Variants in MCC observed in about 807,000 individuals in gnomAD.
MCC encodes the protein MCC regulator of Wnt signaling pathway.
Under a neutral mutation model 116.2 loss-of-function variants are expected in MCC, and 90 were observed. That is an observed-to-expected ratio of 0.77 (90% CI 0.65 to 0.92). The LOEUF is 0.92. Ranked by LOEUF, MCC falls within the 40% of genes least tolerant of loss-of-function variation. MCC has a pLI of 0.00. For missense variants in MCC, 1,516 were observed against 1,312.2 expected, an observed-to-expected ratio of 1.16 and a Z score of -2.40; for synonymous variants, 578 against 510.5, an observed-to-expected ratio of 1.13 and a Z score of -1.78.
chr5:113,433,235 C>T (rs56875463), intron 1 of MCC: 10,724 of 184,042 alleles, frequency 0.058, 772 homozygotes, highest in African/African-American at 0.18. Context: ...AGCTCTTTCC[C>T]GCCGCCTCTC....
chr5:113,096,124 C>A (rs559568081), intron 8 of MCC, among the ~76,000 whole-genome samples: 1 of 152,292 alleles, frequency 6.6e-6, no homozygotes, highest in Non-Finnish European at 1.5e-5. Flanking sequence ...TAGCAGATGC[C>A]GGGCTTATCA....
intron 5 of MCC, among the ~76,000 whole-genome samples, chr5:113,123,416 A>C (rs1757849969): frequency 6.6e-6 from 1 of 151,758 alleles, no homozygotes; most frequent in African/African-American, 2.4e-5. Context: ...GGGGGTAGGA[A>C]GAGAGGATGC....
intron 15 of MCC, among the ~76,000 whole-genome samples, chr5:113,050,052 G>A (rs891953530): frequency 1.3e-5 from 2 of 152,212 alleles, no homozygotes; most frequent in Non-Finnish European, 2.9e-5. Flanking sequence ...TACTGAGCAC[G>A]TGGCACTGTG....
chr5:113,053,277 T>C (rs6886491), intron 15 of MCC, among the ~76,000 whole-genome samples: 8,783 of 152,180 alleles, frequency 0.058, 705 homozygotes, highest in African/African-American at 0.18. Context: ...AGGCTCGACA[T>C]TGCACCAAAG....
chr5:113,178,282 T>C (rs948134375), intron 3 of MCC, among the ~76,000 whole-genome samples: 2 of 152,166 alleles, frequency 1.3e-5, no homozygotes, highest in African/African-American at 4.8e-5. Context: ...GAGTGGACCA[T>C]CTCAGTAGCT....
chr5:113,036,524 G>A (rs151302737), intron 17 of MCC, among the ~76,000 whole-genome samples: 55 of 152,332 alleles, frequency 3.6e-4, no homozygotes, highest in Admixed American at 9.1e-4. Context: ...TAAGGCTCAA[G>A]TGTCCCCAGA....
At chr5:113,085,046 G>A in intron 9 of MCC, 118 bp downstream of exon 9, 2 of 1,403,314 alleles carry the variant, frequency 1.4e-6, no homozygotes, top group African/African-American at 1.4e-5. Flanking sequence ...AAGGTCCCAG[G>A]GGAAGCCCCT....
intron 1 of MCC, among the ~76,000 whole-genome samples, chr5:113,445,946 C>T (rs1207369349): frequency 6.6e-6 from 1 of 152,086 alleles, no homozygotes; most frequent in African/African-American, 2.4e-5. Flanking sequence ...AATAAAGCTG[C>T]ACATCAACAG....
chr5:113,123,044 T>C lies in MCC; in HGVS notation c.885-218A>G, dbSNP rs562349679. ...CCTCTGTGTCCACAAAACATACCCATGTACCAAACGAGATTCATCTATCAG... is the reference window on the plus strand; with the variant it reads ...CCTCTGTGTCCACAAAACATACCCACGTACCAAACGAGATTCATCTATCAG... On this transcript the variant is annotated intron_variant, in intron 5 of 18. Coordinates refer to ENST00000408903, the MANE Select transcript of MCC (RefSeq NM_001085377.2). 2.6e-5 allele frequency among the ~76,000 whole-genome samples: 4 copies of C among 152,274 alleles called. No individual in the cohort carries two copies. In the East Asian group the frequency reaches 5.8e-4, roughly 22 times the overall value.
At chr5:113,172,263 C>T (rs1365008071) in intron 3 of MCC, among the ~76,000 whole-genome samples, 2 of 152,052 alleles carry the variant, frequency 1.3e-5, no homozygotes, top group Non-Finnish European at 2.9e-5. Flanking sequence ...GAACACAAAA[C>T]AACTCAAAAA....
At chr5:113,211,440 A>G (rs1462385651) in intron 3 of MCC, among the ~76,000 whole-genome samples, 2 of 152,230 alleles carry the variant, frequency 1.3e-5, no homozygotes, top group South Asian at 2.1e-4. Flanking sequence ...TGACAGAGAT[A>G]TGAAAGAACC....
intron 3 of MCC, among the ~76,000 whole-genome samples, chr5:113,329,555 A>G (rs1027521647): frequency 1.3e-5 from 2 of 152,180 alleles, no homozygotes; most frequent in African/African-American, 4.8e-5. Context: ...CATTCTATAC[A>G]TAACTTTTAT....
intron 3 of MCC, among the ~76,000 whole-genome samples, chr5:113,246,024 A>G (rs1367727215): frequency 6.6e-6 from 1 of 152,236 alleles, no homozygotes. Flanking sequence ...CCTGCCAAAA[A>G]TATTTCCCGA....
chr5:113,451,831 A>G (rs1378850672), intron 1 of MCC, among the ~76,000 whole-genome samples: 1 of 152,196 alleles, frequency 6.6e-6, no homozygotes, highest in African/African-American at 2.4e-5. Context: ...TGTGTAACAA[A>G]CCAATCTAAA....
chr5:113,477,514 T>C (rs1020619791), intron 1 of MCC, among the ~76,000 whole-genome samples: 1 of 152,134 alleles, frequency 6.6e-6, no homozygotes, highest in Non-Finnish European at 1.5e-5. Context: ...ACAAGCAAGG[T>C]GAGCCTACAT....
At chr5:113,059,768 T>C (rs1227229342) in intron 14 of MCC, among the ~76,000 whole-genome samples, 1 of 152,204 alleles carries the variant, frequency 6.6e-6, no homozygotes, top group African/African-American at 2.4e-5. Context: ...CAGCAGCTCT[T>C]CCAGCACAAA....
At chr5:113,241,193 G>A (rs1012942033) in intron 3 of MCC, among the ~76,000 whole-genome samples, 10 of 152,170 alleles carry the variant, frequency 6.6e-5, no homozygotes, top group Admixed American at 5.2e-4. Context: ...GTATAACGTA[G>A]GCTTCTGGTT....
chr5:113,399,206 C>A (rs1221896737), intron 1 of MCC, among the ~76,000 whole-genome samples: 2 of 152,198 alleles, frequency 1.3e-5, no homozygotes, highest in Non-Finnish European at 2.9e-5. Flanking sequence ...CAGTTATTGG[C>A]CAGGTGCGGT....
chr5:113,037,838 G>A (rs779957212), intron 17 of MCC, among the ~76,000 whole-genome samples: 1 of 152,198 alleles, frequency 6.6e-6, no homozygotes, highest in Non-Finnish European at 1.5e-5. Context: ...TTGGAAAGAT[G>A]AATTGTCCAG....
Sources: gnomAD v4.1 joint callset for allele counts (sites outside exome capture counted in the v4.1 genomes callset) on GRCh38, gnomAD v4.1.1 for gene constraint, MANE v1.5 for transcripts, NCBI Gene and HGNC (gene_info 2026-07-23, HGNC 2026-07-21) for gene names.